Variants in NPAS3 observed in about 807,000 individuals in gnomAD.
The protein encoded by NPAS3 is neuronal PAS domain-containing protein 3.
Under a neutral mutation model 73.1 loss-of-function variants are expected in NPAS3, and 14 were observed. The ratio of observed to expected loss-of-function variants is 0.19; its 90% CI spans 0.13 to 0.30. The LOEUF is 0.30. Ranked by LOEUF, NPAS3 falls within the 10% of genes least tolerant of loss-of-function variation. The pLI is 1.00. For missense variants in NPAS3, 1,096 were observed against 1,250.0 expected (o/e 0.88, Z 1.86); for synonymous variants, 620 against 541.5 (o/e 1.14, Z -2.01).
At chr14:33,282,595 C>T (rs190133212) in intron 3 of NPAS3, among the ~76,000 whole-genome samples, 10 of 152,244 alleles carry the variant, frequency 6.6e-5, no homozygotes, top group Non-Finnish European at 8.8e-5. Flanking sequence ...ATAAATCAGC[C>T]GGGCTGCTTC....
intron 5 of NPAS3, chr14:33,612,504 A>G (rs574006935): frequency 6.1e-5 from 28 of 455,994 alleles, no homozygotes; most frequent in African/African-American, 4.8e-4. Context: ...AAATTAATCA[A>G]ATTCTCCCTT....
chr14:33,569,621 A>AC (rs1359922792), intron 5 of NPAS3, among the ~76,000 whole-genome samples: 1 of 152,114 alleles, frequency 6.6e-6, no homozygotes, highest in East Asian at 1.9e-4. Flanking sequence ...ATGGAAACAA[A>AC]AAAAAAAATT....
chr14:33,158,320 C>T (rs775555366), intron 2 of NPAS3, among the ~76,000 whole-genome samples: 1 of 152,138 alleles, frequency 6.6e-6, no homozygotes, highest in Non-Finnish European at 1.5e-5. Flanking sequence ...TTTTAACAGG[C>T]CCCCCACATG....
intron 7 of NPAS3, among the ~76,000 whole-genome samples, chr14:33,760,729 T>C (rs117805721): frequency 0.019 from 2,870 of 151,834 alleles, 42 homozygotes; most frequent in Middle Eastern, 0.051. Context: ...AATCAAGTGC[T>C]GATTCCAGTT....
chr14:33,516,148 A>G (rs2053286426), intron 4 of NPAS3, among the ~76,000 whole-genome samples: 1 of 152,098 alleles, frequency 6.6e-6, no homozygotes, highest in Admixed American at 6.5e-5. Flanking sequence ...GCCTAAGGTT[A>G]CACAGCTAAT....
intron 2 of NPAS3, among the ~76,000 whole-genome samples, chr14:33,060,569 T>C (rs1595356427): frequency 6.6e-6 from 1 of 152,202 alleles, no homozygotes; most frequent in East Asian, 1.9e-4. Flanking sequence ...ATTGTAAAGT[T>C]TGTCTTTGTT....
intron 7 of NPAS3, among the ~76,000 whole-genome samples, chr14:33,767,675 T>A (rs2062509878): frequency 1.3e-5 from 2 of 151,722 alleles, no homozygotes; most frequent in Admixed American, 6.6e-5. Flanking sequence ...CTTTACATTA[T>A]ATGTGGGAAA....
intron 1 of NPAS3, among the ~76,000 whole-genome samples, chr14:32,968,112 G>C (rs1056710043): frequency 1.3e-5 from 2 of 152,122 alleles, no homozygotes; most frequent in Non-Finnish European, 2.9e-5. Flanking sequence ...GGGAGAGGTT[G>C]GTCAGGGGTG....
chr14:33,472,861 A>C (rs1376877857), intron 4 of NPAS3, among the ~76,000 whole-genome samples: 1 of 150,882 alleles, frequency 6.6e-6, no homozygotes, highest in African/African-American at 2.5e-5. Flanking sequence ...TGATATGATT[A>C]TATTATTTTA....
intron 5 of NPAS3, among the ~76,000 whole-genome samples, chr14:33,604,182 G>A (rs1171294098): frequency 6.6e-6 from 1 of 152,078 alleles, no homozygotes; most frequent in Non-Finnish European, 1.5e-5. Flanking sequence ...TATATTAATT[G>A]TAAGTAACCT....
intron 1 of NPAS3, among the ~76,000 whole-genome samples, chr14:33,052,346 A>G (rs2040739803): frequency 6.6e-6 from 1 of 152,048 alleles, no homozygotes; most frequent in Non-Finnish European, 1.5e-5. Context: ...TAACTACCCT[A>G]CCACCCCCAA....
chr14:33,197,155 C>T (rs1169418493), intron 2 of NPAS3, among the ~76,000 whole-genome samples: 1 of 152,004 alleles, frequency 6.6e-6, no homozygotes, highest in Non-Finnish European at 1.5e-5. Context: ...GTTGAACATA[C>T]ACCATTCCTT....
chr14:33,373,179 T>C (rs1044273225), intron 4 of NPAS3, among the ~76,000 whole-genome samples: 14 of 152,234 alleles, frequency 9.2e-5, no homozygotes, highest in African/African-American at 3.1e-4. Context: ...ATTATTTGTT[T>C]ACCCTCAGCA....
At chr14:33,758,229 C>T (rs1180960552) in intron 7 of NPAS3, among the ~76,000 whole-genome samples, 1 of 152,232 alleles carries the variant, frequency 6.6e-6, no homozygotes, top group African/African-American at 2.4e-5. Context: ...CACTCCTCTC[C>T]ATTTCTGAAC....
chr14:33,306,891 T>C (rs75474578), intron 3 of NPAS3, among the ~76,000 whole-genome samples: 3 of 152,134 alleles, frequency 2.0e-5, no homozygotes, highest in Non-Finnish European at 4.4e-5. Flanking sequence ...AGAGTCTTTG[T>C]GGAGGAAGTC....
intron 3 of NPAS3, among the ~76,000 whole-genome samples, chr14:33,219,497 G>A (rs572764498): frequency 6.6e-6 from 1 of 152,204 alleles, no homozygotes; most frequent in East Asian, 1.9e-4. Context: ...CTTAGTCTTT[G>A]GAAAGGAACA....
chr14:33,362,259 C>T (rs757166857), intron 3 of NPAS3, among the ~76,000 whole-genome samples: 1 of 152,024 alleles, frequency 6.6e-6, no homozygotes, highest in Non-Finnish European at 1.5e-5. Context: ...TTTGTGAAAA[C>T]GGACCCCACA....
At chr14:33,195,559 T>C (rs978521037) in intron 2 of NPAS3, among the ~76,000 whole-genome samples, 8 of 152,224 alleles carry the variant, frequency 5.3e-5, no homozygotes, top group Non-Finnish European at 1.0e-4. Flanking sequence ...TGAGCCACCA[T>C]GCCTGGCCAA....
intron 1 of NPAS3, among the ~76,000 whole-genome samples, chr14:32,996,946 G>A (rs2038601773): frequency 6.6e-6 from 1 of 152,136 alleles, no homozygotes; most frequent in Non-Finnish European, 1.5e-5. Context: ...CCGTGTATCG[G>A]GAAAAGCCAC....
Sources: allele counts gnomAD v4.1 joint callset (sites outside exome capture counted in the v4.1 genomes callset), GRCh38; gene constraint gnomAD v4.1.1; transcripts MANE v1.5; gene names NCBI Gene and HGNC (gene_info 2026-07-23, HGNC 2026-07-21).